Variants in CRYBG1 observed in about 807,000 individuals in gnomAD.
CRYBG1 encodes crystallin beta-gamma domain containing 1.
In CRYBG1, 139 loss-of-function variants were observed where a neutral mutation model predicts 189.2. The ratio of observed to expected loss-of-function variants is 0.73; its 90% CI spans 0.64 to 0.85. CRYBG1 has a LOEUF of 0.85. Ranked by LOEUF, CRYBG1 falls within the 40% of genes least tolerant of loss-of-function variation. The probability of loss-of-function intolerance (pLI) is 0.00; values close to 1 mark genes in which losing one functional copy is unlikely to be tolerated. For synonymous variants in CRYBG1, 1,023 were observed against 1,017.1 expected, an observed-to-expected ratio of 1.01 and a Z score of -0.11; for missense variants, 2,611 against 2,675.8, an observed-to-expected ratio of 0.98 and a Z score of 0.53.
At chr6:106,473,421 A>T (rs560966486) in intron 2 of CRYBG1, among the ~76,000 whole-genome samples, 42 of 152,342 alleles carry the variant, frequency 2.8e-4, no homozygotes, top group African/African-American at 9.4e-4. Flanking sequence ...AGATAGTTAC[A>T]TATAGAAATA....
At chr6:106,473,414 TA>T (rs1772275700) in intron 2 of CRYBG1, among the ~76,000 whole-genome samples, 1 of 152,190 alleles carries the variant, frequency 6.6e-6, no homozygotes, top group African/African-American at 2.4e-5. Flanking sequence ...TAGATGCAGA[TA>T]GTTACATATA....
rs73511081 is a variant in CRYBG1, at chr6:106,486,308, G to T, written c.313-25122G>T. On this transcript the variant is annotated intron_variant, in intron 2 of 21. Transcript: ENST00000633556. The stretch of plus-strand genomic sequence containing the variant: ...TAATTTCTAGTTTTATATCATTGTG[G>T]TCTGAAAAGATATTCTATCTTCTTA... 8.5e-3 allele frequency among the ~76,000 whole-genome samples: 1,285 copies of T among 152,028 alleles called. 22 individuals carry two copies. Among genetic ancestry groups the T allele is most frequent in the African/African-American group, 0.03 (1,241 of 41,474 alleles).
At chr6:106,457,334 A>T (rs1771909676) in intron 2 of CRYBG1, 1 of 152,156 alleles carries the variant, frequency 6.6e-6, no homozygotes, top group South Asian at 2.1e-4. Flanking sequence ...TTCCCCTCCC[A>T]TGATAATTTA....
chr6:106,542,610 TTTTATTTTATTTTA>T (rs1268324326), intron 10 of CRYBG1, among the ~76,000 whole-genome samples: 2 of 5,446 alleles, frequency 3.7e-4, no homozygotes, highest in African/African-American at 6.5e-4. Flanking sequence ...GATTAGAACA[TTTTATTTTATTTTA>T]TTTTATTTTA....
At chr6:106,381,695 G>A (rs1770293386) in intron 1 of CRYBG1, among the ~76,000 whole-genome samples, 1 of 152,218 alleles carries the variant, frequency 6.6e-6, no homozygotes, top group Non-Finnish European at 1.5e-5. Flanking sequence ...TGCCGTCTTT[G>A]GGGAGAGGAG....
chr6:106,541,892 G>A (rs1334451642), intron 10 of CRYBG1, among the ~76,000 whole-genome samples: 3 of 152,092 alleles, frequency 2.0e-5, no homozygotes, highest in Non-Finnish European at 4.4e-5. Context: ...GTTATATTGA[G>A]TTAACAATTT....
Position 106,451,718 on chromosome 6 carries a change from A to C in CRYBG1, c.198A>C (p.Lys66Asn). 1.3e-6 allele frequency: 2 copies of C among 1,534,018 alleles called. No homozygotes were observed. Among genetic ancestry groups the C allele is most frequent in the Non-Finnish European group, 1.7e-6 (2 of 1,145,982 alleles). Residue 66 changes from lysine (K) to asparagine (N), a missense_variant, in exon 2 of 22, where the codon AAA (lysine) becomes AAC (asparagine). By Grantham distance (94) the Lys-to-Asn change is moderately conservative (BLOSUM62 0). Transcript: ENST00000633556. Reference protein sequence around the residue: ...EARALDVVDGKYVVRDSQEFP... With the variant: ...EARALDVVDGNYVVRDSQEFP... ...GAGCTTTGGATGTAGTCGATGGAAA[A>C]TATGTGGTTCGAGACTCCCAGGAAT... is the stretch of plus-strand genomic sequence containing the variant.
chr6:106,399,712 A>G (rs892013159), intron 1 of CRYBG1, among the ~76,000 whole-genome samples: 2 of 145,716 alleles, frequency 1.4e-5, no homozygotes, highest in Non-Finnish European at 3.0e-5. Flanking sequence ...CCTGGAGTGC[A>G]GTGGTGTGAA....
At chr6:106,426,599 A>G (rs1328099675) in intron 1 of CRYBG1, among the ~76,000 whole-genome samples, 1 of 152,172 alleles carries the variant, frequency 6.6e-6, no homozygotes, top group African/African-American at 2.4e-5. Context: ...CACAGCCAAC[A>G]TCAGAATAAT....
At chr6:106,537,544 A>C (rs9320175) in intron 8 of CRYBG1, among the ~76,000 whole-genome samples, 45,716 of 152,172 alleles carry the variant, frequency 0.3, 7,189 homozygotes, top group South Asian at 0.37. Context: ...GCATTACAGT[A>C]GTATTTAAAA....
Position 106,561,907 on chromosome 6 carries a change from T to C in CRYBG1, c.6138+407T>C, listed in dbSNP as rs1344473130. Among the ~76,000 whole-genome samples the C allele has an allele frequency of 3.3e-5, 5 of 152,298 alleles. No individual in the cohort carries two copies. In the East Asian group the frequency reaches 9.6e-4, roughly 29 times the overall value. On this transcript the variant is annotated intron_variant, in intron 20 of 21. Transcript: ENST00000633556. The stretch of plus-strand genomic sequence containing the variant: ...TGAAGGGTAAAGAGATCCCTCTGTG[T>C]GCTGCACAGTCCATTTCCTAAGTGT...
At chr6:106,384,839 A>G (rs1770353119) in intron 1 of CRYBG1, among the ~76,000 whole-genome samples, 1 of 151,524 alleles carries the variant, frequency 6.6e-6, no homozygotes. Context: ...TTATTCACAA[A>G]TGGGTCACAG....
intron 13 of CRYBG1, among the ~76,000 whole-genome samples, chr6:106,545,984 C>T (rs1774259469): frequency 6.6e-6 from 1 of 152,186 alleles, no homozygotes; most frequent in East Asian, 1.9e-4. Flanking sequence ...CTGGCCCCAG[C>T]TCATTTCTTG....
At chr6:106,462,935 C>T (rs1436492242) in intron 2 of CRYBG1, among the ~76,000 whole-genome samples, 1 of 152,194 alleles carries the variant, frequency 6.6e-6, no homozygotes, top group Non-Finnish European at 1.5e-5. Flanking sequence ...GGGAGGATTG[C>T]TTGAGGCCAG....
intron 20 of CRYBG1, among the ~76,000 whole-genome samples, chr6:106,562,256 T>C (rs1774741447): frequency 6.6e-6 from 1 of 152,182 alleles, no homozygotes; most frequent in African/African-American, 2.4e-5. Flanking sequence ...TAAACAGAAG[T>C]ACTGTTTGGA....
chr6:106,506,042 G>GATT (rs1773125750), intron 2 of CRYBG1, among the ~76,000 whole-genome samples: 1 of 152,192 alleles, frequency 6.6e-6, no homozygotes, highest in Non-Finnish European at 1.5e-5. Context: ...TGGGCTGAGA[G>GATT]GCTGCAGTAA....
intron 21 of CRYBG1, among the ~76,000 whole-genome samples, chr6:106,568,167 A>G (rs149623935): frequency 3.1e-4 from 47 of 152,238 alleles, no homozygotes; most frequent in African/African-American, 1.0e-3. Flanking sequence ...AATTTCAGAC[A>G]TTGTAAGAGT....
chr6:106,437,008 T>C (rs1771473560), intron 1 of CRYBG1, among the ~76,000 whole-genome samples: 1 of 151,784 alleles, frequency 6.6e-6, no homozygotes, highest in African/African-American at 2.4e-5. Context: ...TAGTCCCAAC[T>C]ACTTGGGAGG....
chr6:106,448,721 T>G (rs1169617446), intron 1 of CRYBG1, among the ~76,000 whole-genome samples: 2 of 152,186 alleles, frequency 1.3e-5, no homozygotes, highest in Non-Finnish European at 1.5e-5. Flanking sequence ...CGACATCCAT[T>G]TCTACCCTCT....
Sources: gnomAD v4.1 joint callset for allele counts (sites outside exome capture counted in the v4.1 genomes callset) on GRCh38, gnomAD v4.1.1 for gene constraint, MANE v1.5 for transcripts, NCBI Gene and HGNC (gene_info 2026-07-23, HGNC 2026-07-21) for gene names.